TPCN1: variants seen among roughly 807,000 people sequenced by gnomAD.
TPCN1 encodes two pore segment channel 1, also known as two pore channel protein 1.
In TPCN1, 52 loss-of-function variants were observed where a neutral mutation model predicts 108.8. That is an observed-to-expected ratio of 0.48 (90% CI 0.38 to 0.60). The LOEUF (loss-of-function observed/expected upper bound fraction) is 0.60. Among genes scored for constraint, TPCN1 ranks in the 20% least tolerant of loss-of-function variants. The pLI is 0.00. For missense variants in TPCN1, 806 were observed against 1,072.8 expected (o/e 0.75, Z 3.47); for synonymous variants, 446 against 433.7 (o/e 1.03, Z -0.35).
chr12:113,273,189 C>T lies in TPCN1; in HGVS notation c.784-43C>T, dbSNP rs772608112. On this transcript the variant is annotated intron_variant, in intron 8 of 27. Transcript: ENST00000335509. The surrounding 1 kb of genome is among the most constrained non-coding windows in gnomAD (Gnocchi z 4.0). The stretch of plus-strand genomic sequence containing the variant: ...ACAGCCTGTTCCTGATGGCCGTGTG[C>T]TCTTGGCTGGTCCCGACTTCTCTGC... 1.4e-5 allele frequency: 22 copies of T among 1,595,440 alleles called. No individual in the cohort carries two copies. The highest frequency in any genetic ancestry group is 1.8e-5 in the Non-Finnish European group (21 of 1,163,096).
intron 13 of TPCN1, 54 bp downstream of exon 13, chr12:113,278,291 G>A: frequency 6.5e-7 from 1 of 1,532,194 alleles, no homozygotes; most frequent in Non-Finnish European, 9.0e-7. Flanking sequence ...CCCCACGTGG[G>A]GCAGTGAGGA....
In TPCN1 at chr12:113,226,776, G is replaced by T. The variant is rs1455834861; in HGVS notation, c.-77G>T. ...TCTGAGCAGCACCCCTGGCCCAGTGGCTTTGAAAGGGAGCTCAAACCAGAG... is the reference window on the plus strand; with the variant it reads ...TCTGAGCAGCACCCCTGGCCCAGTGTCTTTGAAAGGGAGCTCAAACCAGAG... On this transcript the variant is annotated 5_prime_UTR_variant, in exon 2 of 28. Coordinates refer to ENST00000335509, the MANE Select transcript of TPCN1 (RefSeq NM_017901.6). The T allele has an allele frequency of 1.2e-6, 2 of 1,602,386 alleles. No individual in the cohort carries two copies. The highest frequency in any genetic ancestry group is 1.7e-6 in the Non-Finnish European group (2 of 1,174,192).
chr12:113,248,622 G>A (rs1317060076), intron 2 of TPCN1, among the ~76,000 whole-genome samples: 2 of 152,216 alleles, frequency 1.3e-5, no homozygotes, highest in Non-Finnish European at 2.9e-5. Flanking sequence ...TTCCAGGCAC[G>A]TTTCAGAACA....
At chr12:113,242,200 C>T (rs910927470) in intron 2 of TPCN1, among the ~76,000 whole-genome samples, 4 of 152,188 alleles carry the variant, frequency 2.6e-5, no homozygotes, top group African/African-American at 2.4e-5. Flanking sequence ...AAGGAACTTG[C>T]GGTTTTGCCC....
In TPCN1 at chr12:113,236,668, C is replaced by T. The variant is rs543028696; in HGVS notation, c.112+9704C>T. ...ACTCTTCTGAGACCCACACCCTGGA[C>T]GGGGCCAGAGACTAGCATGCTGGGG... On this transcript the variant is annotated intron_variant, in intron 2 of 27. Transcript: ENST00000335509. 1.1e-3 allele frequency among the ~76,000 whole-genome samples: 174 copies of T among 151,792 alleles called. 3 individuals are homozygous for T. The highest frequency in any genetic ancestry group is 7.3e-3 in the Admixed American group (112 of 15,254).
rs1199041047 is a variant in TPCN1 at position 113,295,763 on chromosome 12, T to C, written c.2335-197T>C. Among the ~76,000 whole-genome samples the C allele has an allele frequency of 5.3e-5, 8 of 152,312 alleles. No individual in the cohort carries two copies. In the East Asian group the frequency reaches 1.5e-3, roughly 29 times the overall value. On this transcript the variant is annotated intron_variant, in intron 27 of 27. Coordinates refer to ENST00000335509, the MANE Select transcript of TPCN1 (RefSeq NM_017901.6). ...CTCCAGACACTAGGGAAAGATTTCA[T>C]TGTCATTTTTGCCTCTGGGGCCACA... is the stretch of plus-strand genomic sequence containing the variant.
intron 2 of TPCN1, among the ~76,000 whole-genome samples, chr12:113,242,309 T>G (rs1055788639): frequency 3.9e-5 from 6 of 152,222 alleles, no homozygotes; most frequent in Admixed American, 1.3e-4. Context: ...CTCCACACCA[T>G]TAGTCCCCAG....
In TPCN1 at chr12:113,288,076, G is replaced by T. The variant is rs936608176; in HGVS notation, c.1635-87G>T. On this transcript the variant is annotated intron_variant, in intron 19 of 27. Coordinates refer to ENST00000335509, the MANE Select transcript of TPCN1 (RefSeq NM_017901.6). This position sits in a 1 kb window ranked among gnomAD's most constrained non-coding sequence, Gnocchi z 4.8. ...CCCTCACCTGTCTTCACCGCATGGC[G>T]TGTGGAAGGCGGGGCCGGCATGTTC... 3.8e-6 allele frequency: 5 copies of T among 1,319,326 alleles called. No homozygotes were observed. In the African/African-American group the frequency reaches 4.3e-5, roughly 11 times the overall value. 81.7% of individuals were successfully genotyped at this position (1,319,326 alleles called of 1,614,324 possible).
intron 1 of TPCN1, among the ~76,000 whole-genome samples, chr12:113,222,497 C>G (rs1953279933): frequency 6.6e-6 from 1 of 152,216 alleles, no homozygotes; most frequent in Non-Finnish European, 1.5e-5. Flanking sequence ...AGCAATCCCC[C>G]CACTCCCAAG....
chr12:113,260,298 T>G, intron 2 of TPCN1, 70 bp from the exon 3 acceptor site: 1 of 1,438,982 alleles, frequency 6.9e-7, no homozygotes. Context: ...CAGGCTTTTC[T>G]TCTGCCAAAC....
intron 2 of TPCN1, chr12:113,245,879 T>C (rs181399626): frequency 4.5e-6 from 2 of 447,122 alleles, no homozygotes; most frequent in East Asian, 1.4e-4. Flanking sequence ...AGCTGGCATA[T>C]GGAAACTGTT....
In TPCN1 at chr12:113,288,386, C is replaced by A; in HGVS notation, c.1706+152C>A. On this transcript the variant is annotated intron_variant, in intron 20 of 27. Transcript: ENST00000335509. This position sits in a 1 kb window ranked among gnomAD's most constrained non-coding sequence, Gnocchi z 4.8. Reference sequence around the variant, plus strand: ...GGCTCCAAGGAGCCTGGAATCTTGACCACCACAGGTCTCCTGGGCACCATT... The same window carrying A: ...GGCTCCAAGGAGCCTGGAATCTTGAACACCACAGGTCTCCTGGGCACCATT... 1 of 1,499,832 alleles carries A rather than the reference C, an allele frequency of 6.7e-7. No individual in the cohort carries two copies. The highest frequency in any genetic ancestry group is 1.3e-5 in the South Asian group (1 of 78,798). The allele number at this position is 1,499,832 out of a possible 1,614,324, so 92.9% of individuals were successfully genotyped here. A position where few individuals can be genotyped will look rare whatever the true frequency, so the allele number is the denominator to read the frequency against.
intron 2 of TPCN1, among the ~76,000 whole-genome samples, chr12:113,256,669 A>G (rs1187600052): frequency 6.6e-6 from 1 of 152,182 alleles, no homozygotes; most frequent in Non-Finnish European, 1.5e-5. Context: ...CTACAGGCTT[A>G]CACCACTGTG....
chr12:113,291,558 G>C (rs1372019280), intron 23 of TPCN1, 51 bp from the exon 24 acceptor site: 6 of 1,534,722 alleles, frequency 3.9e-6, no homozygotes, highest in Non-Finnish European at 5.4e-6. Context: ...TGTAGACGGG[G>C]ACCTGCCCTG....
At chr12:113,280,231 C>T in intron 15 of TPCN1, 36 bp downstream of exon 15, 1 of 1,573,344 alleles carries the variant, frequency 6.4e-7, no homozygotes, top group Admixed American at 1.7e-5. Context: ...GGCCACTTTC[C>T]CCCTGAGTCC....
chr12:113,262,164 C>G (rs767753053), intron 3 of TPCN1, among the ~76,000 whole-genome samples: 4 of 152,156 alleles, frequency 2.6e-5, no homozygotes, highest in Admixed American at 6.5e-5. Flanking sequence ...TGAAGCAGCT[C>G]TCCACTGCAA....
intron 2 of TPCN1, among the ~76,000 whole-genome samples, chr12:113,253,117 C>G (rs1012431359): frequency 1.3e-5 from 2 of 152,138 alleles, no homozygotes; most frequent in African/African-American, 2.4e-5. Flanking sequence ...AGGAGCATGA[C>G]CCGGGGAGGT....
At chr12:113,280,353 C>T (rs906687681) in intron 15 of TPCN1, 158 bp downstream of exon 15, 6 of 550,492 alleles carry the variant, frequency 1.1e-5, no homozygotes, top group Middle Eastern at 3.1e-4. Flanking sequence ...CATTACCACA[C>T]GCATCCCCGT....
At chr12:113,261,223 A>C (rs1186827576) in intron 3 of TPCN1, among the ~76,000 whole-genome samples, 1 of 152,128 alleles carries the variant, frequency 6.6e-6, no homozygotes, top group East Asian at 1.9e-4. Context: ...TGTGAAAGTA[A>C]TACATGCTTA....
Sources: allele counts gnomAD v4.1 joint callset (sites outside exome capture counted in the v4.1 genomes callset), GRCh38; gene constraint gnomAD v4.1.1; non-coding constraint Gnocchi (gnomAD v3.1); transcripts MANE v1.5; gene names NCBI Gene and HGNC (gene_info 2026-07-23, HGNC 2026-07-21).